Variants in GFRA1 observed in about 807,000 individuals in gnomAD.
GFRA1 encodes the protein GDNF family receptor alpha-1.
A neutral mutation model predicts 51.6 loss-of-function variants in GFRA1; 16 were observed. That is an observed-to-expected ratio of 0.31 (90% confidence interval 0.21 to 0.47). The LOEUF is 0.47. Among genes scored for constraint, GFRA1 ranks in the 20% least tolerant of loss-of-function variants. GFRA1 has a pLI of 1.00. For synonymous variants in GFRA1, 270 were observed against 241.3 expected, an observed-to-expected ratio of 1.12 and a Z score of -1.10; for missense variants, 530 against 594.3, an observed-to-expected ratio of 0.89 and a Z score of 1.13.
intron 6 of GFRA1, among the ~76,000 whole-genome samples, chr10:116,108,568 A>C (rs1341826594): frequency 6.6e-6 from 1 of 152,154 alleles, no homozygotes; most frequent in African/African-American, 2.4e-5. Flanking sequence ...TAGGGCAAAG[A>C]AGCTGATTTC....
rs1955010965 is a variant in GFRA1 at position 116,064,618 on chromosome 10, T to C, written c.1252-74A>G. 3 of 1,330,312 alleles carry C rather than the reference T, an allele frequency of 2.3e-6. No homozygotes were observed. The South Asian group carries it at 3.5e-5, about 16-fold the overall frequency. The allele number at this position is 1,330,312 out of a possible 1,614,324, so 82.4% of individuals were successfully genotyped here. ...ACCACAGTATACTTTACACTCTCTC[T>C]CCCCCCGACTCCCCACTGGCTGACC... On this transcript the variant is annotated intron_variant, in intron 10 of 10. Transcript: ENST00000355422.
intron 4 of GFRA1, among the ~76,000 whole-genome samples, chr10:116,214,075 A>G (rs1965396643): frequency 6.6e-6 from 1 of 151,728 alleles, no homozygotes. Flanking sequence ...AGAGACTGTG[A>G]GAACCGTGTA....
chr10:116,195,047 T>G (rs1486757864), intron 5 of GFRA1, among the ~76,000 whole-genome samples: 1 of 152,198 alleles, frequency 6.6e-6, no homozygotes, highest in Non-Finnish European at 1.5e-5. Flanking sequence ...TGTAAATGAA[T>G]GGGTGTGGCT....
chr10:116,268,909 C>T (rs1433329430), intron 4 of GFRA1, among the ~76,000 whole-genome samples: 3 of 152,168 alleles, frequency 2.0e-5, no homozygotes, highest in East Asian at 1.9e-4. Context: ...CCATGGGAAG[C>T]GAGACTACAT....
rs74160654 is a variant in GFRA1 at position 116,215,844 on chromosome 10, G to A, written c.419-4199C>T. On this transcript the variant is annotated intron_variant, in intron 4 of 10. Coordinates refer to ENST00000355422, the MANE Select transcript of GFRA1 (RefSeq NM_005264.8). ...AACCCCAACCCCAATCATTCACATG[G>A]ACAAAGGAAAGCCTGTTCTCCTGCC... Among the ~76,000 whole-genome samples, 328 of 152,234 alleles carry A rather than the reference G, an allele frequency of 2.2e-3. 3 individuals carry two copies. The highest frequency in any genetic ancestry group is 7.6e-3 in the African/African-American group (317 of 41,552).
intron 4 of GFRA1, chr10:116,255,539 C>A (rs144206842): frequency 8.8e-7 from 1 of 1,138,244 alleles, no homozygotes; most frequent in South Asian, 1.6e-5. Context: ...CCACCATGTT[C>A]ACATCCACTC....
chr10:116,263,999 A>C (rs1214931225), intron 4 of GFRA1, among the ~76,000 whole-genome samples: 1 of 152,192 alleles, frequency 6.6e-6, no homozygotes, highest in Non-Finnish European at 1.5e-5. Context: ...GGTAAGGAGC[A>C]AAGGAGAGAT....
intron 9 of GFRA1, among the ~76,000 whole-genome samples, chr10:116,086,738 C>A (rs1956116985): frequency 6.6e-6 from 1 of 152,188 alleles, no homozygotes; most frequent in Admixed American, 6.5e-5. Context: ...TTTTGTTCCT[C>A]CACAGCCCCA....
chr10:116,173,178 T>C (rs532293800), intron 5 of GFRA1, among the ~76,000 whole-genome samples: 16 of 152,334 alleles, frequency 1.1e-4, no homozygotes, highest in African/African-American at 2.9e-4. Context: ...CACTTCCACA[T>C]AGATGATTCC....
At chr10:116,122,416 G>T (rs1478685100) in intron 6 of GFRA1, among the ~76,000 whole-genome samples, 5 of 152,218 alleles carry the variant, frequency 3.3e-5, no homozygotes, top group Admixed American at 3.3e-4. Flanking sequence ...CCTGCTATCA[G>T]GGATGTCACA....
chr10:116,219,171 T>C (rs1340636075), intron 4 of GFRA1, among the ~76,000 whole-genome samples: 1 of 152,122 alleles, frequency 6.6e-6, no homozygotes, highest in East Asian at 1.9e-4. Flanking sequence ...TTTTATGACA[T>C]CCTATCCCTA....
At position 116,061,344 on chromosome 10, in the gene GFRA1, C is replaced by CT. The variant is rs1049553007; in HGVS notation, c.*3053dup. 2 of 150,332 alleles carry CT rather than the reference C, an allele frequency of 1.3e-5. No homozygotes were observed. The highest frequency in any genetic ancestry group is 3.0e-5 in the Non-Finnish European group (2 of 67,640). The allele number at this position is 150,332 out of a possible 1,614,324, so 9.3% of individuals were successfully genotyped here. A position where few individuals can be genotyped will look rare whatever the true frequency, so the allele number is the denominator to read the frequency against. On this transcript the variant is annotated 3_prime_UTR_variant, in exon 11 of 11. Coordinates refer to ENST00000355422, the MANE Select transcript of GFRA1 (RefSeq NM_005264.8). ...TAACCTATGTTAATCTCAACTTATACTTTTTTTATTACAGACTTGAAAAAA... is the reference window on the plus strand; with the variant it reads ...TAACCTATGTTAATCTCAACTTATACTTTTTTTTATTACAGACTTGAAAAAA...
chr10:116,125,308 G>A lies in GFRA1; in HGVS notation c.683C>T (p.Thr228Ile). Reference protein sequence around the residue: ...DIACTERRRQTIVPVCSYEER... With the variant: ...DIACTERRRQIIVPVCSYEER... ...TTCATAGGAGCACACAGGCACGATGGTCTGTCGCCTCCGCTCTGTGCAGGC... is the reference window on the plus strand; with the variant it reads ...TTCATAGGAGCACACAGGCACGATGATCTGTCGCCTCCGCTCTGTGCAGGC... Residue 228 changes from threonine (T) to isoleucine (I), a missense_variant, in exon 6 of 11, where the codon ACC becomes ATC. Coordinates refer to ENST00000355422, the MANE Select transcript of GFRA1 (RefSeq NM_005264.8). The A allele has an allele frequency of 3.1e-6, 5 of 1,614,222 alleles. No homozygotes were observed. Among genetic ancestry groups the A allele is most frequent in the South Asian group, 1.1e-5 (1 of 91,090 alleles).
At chr10:116,112,308 G>C (rs1242077063) in intron 6 of GFRA1, among the ~76,000 whole-genome samples, 1 of 152,128 alleles carries the variant, frequency 6.6e-6, no homozygotes, top group Non-Finnish European at 1.5e-5. Context: ...TAGGAATTCC[G>C]ACTGCTGGGT....
chr10:116,272,340 T>G lies in GFRA1; in HGVS notation c.-246-65A>C. The G allele has an allele frequency of 2.0e-6, 1 of 489,680 alleles. No homozygotes were observed. Among genetic ancestry groups the G allele is most frequent in the Non-Finnish European group, 3.7e-6 (1 of 269,302 alleles). The allele number at this position is 489,680 out of a possible 1,614,324, so 30.3% of individuals were successfully genotyped here. On this transcript the variant is annotated intron_variant, in intron 1 of 10. Transcript: ENST00000355422. The surrounding 1 kb of genome is among the most constrained non-coding windows in gnomAD (Gnocchi z 4.4). ...GCCGGAGACTCCCCCCACAGAACCC[T>G]CTCCCCTCCCCCGTTCCCGCCTTTG...
intron 5 of GFRA1, among the ~76,000 whole-genome samples, chr10:116,210,608 G>A (rs1443513791): frequency 6.6e-6 from 1 of 152,100 alleles, no homozygotes. Context: ...AAGACAATAC[G>A]ACAGTACCCT....
At chr10:116,101,660 T>C (rs1473126847) in intron 6 of GFRA1, among the ~76,000 whole-genome samples, 1 of 152,198 alleles carries the variant, frequency 6.6e-6, no homozygotes, top group African/African-American at 2.4e-5. Context: ...AGTAGTGTGA[T>C]GGAAAACAGG....
intron 5 of GFRA1, among the ~76,000 whole-genome samples, chr10:116,201,138 AT>A (rs111939455): frequency 1.3e-5 from 2 of 151,830 alleles, no homozygotes; most frequent in Admixed American, 6.6e-5. Flanking sequence ...CTAAAATAAC[AT>A]TTTTTTTCTT....
intron 5 of GFRA1, among the ~76,000 whole-genome samples, chr10:116,178,449 T>C (rs902750099): frequency 6.6e-6 from 1 of 152,252 alleles, no homozygotes; most frequent in African/African-American, 2.4e-5. Flanking sequence ...GTTACACTTT[T>C]CTGTGTGTTA....
Sources: allele counts gnomAD v4.1 joint callset (sites outside exome capture counted in the v4.1 genomes callset), GRCh38; gene constraint gnomAD v4.1.1; non-coding constraint Gnocchi (gnomAD v3.1); transcripts MANE v1.5; gene names NCBI Gene and HGNC (gene_info 2026-07-23, HGNC 2026-07-21).